Variants in NLK observed in about 807,000 individuals in gnomAD.
The protein encoded by NLK is nemo like kinase, also known as serine/threonine-protein kinase NLK.
A neutral mutation model predicts 59.0 loss-of-function variants in NLK; 11 were observed. The ratio of observed to expected loss-of-function variants is 0.19; its 90% CI spans 0.12 to 0.31. NLK has a LOEUF of 0.31. NLK is among the 10% of genes least tolerant of loss of function. The pLI is 1.00. For synonymous variants in NLK, 235 were observed against 235.9 expected, an observed-to-expected ratio of 1.00 and a Z score of 0.03; for missense variants, 410 against 661.1, an observed-to-expected ratio of 0.62 and a Z score of 4.16.
intron 1 of NLK, among the ~76,000 whole-genome samples, chr17:28,078,078 A>T (rs775742687): frequency 6.6e-6 from 1 of 152,146 alleles, no homozygotes; most frequent in Non-Finnish European, 1.5e-5. Context: ...AAATGCCTCT[A>T]CTCATTCAAT....
chr17:28,108,489 G>C (rs1905300450), intron 1 of NLK, among the ~76,000 whole-genome samples: 3 of 152,070 alleles, frequency 2.0e-5, no homozygotes, highest in African/African-American at 7.2e-5. Flanking sequence ...CAGAAAATCT[G>C]AAAAATTAAA....
chr17:28,205,088 G>A, the NLK span, among the ~76,000 whole-genome samples: 2 of 152,196 alleles, frequency 1.3e-5, no homozygotes, highest in Admixed American at 1.3e-4. Context: ...GGAGATCCCT[G>A]AAGATATGGG....
At chr17:28,130,647 G>A (rs959318347) in intron 2 of NLK, among the ~76,000 whole-genome samples, 1 of 152,280 alleles carries the variant, frequency 6.6e-6, no homozygotes, top group Middle Eastern at 3.4e-3. Context: ...GATTTGAAGT[G>A]TAAAATAGCT....
intron 1 of NLK, among the ~76,000 whole-genome samples, chr17:28,052,294 T>A (rs930597931): frequency 2.6e-4 from 40 of 152,346 alleles, no homozygotes; most frequent in Middle Eastern, 3.4e-3. Flanking sequence ...TTTTGTCATC[T>A]TTTGTGTGTG....
At chr17:28,064,579 T>G (rs1163335602) in intron 1 of NLK, among the ~76,000 whole-genome samples, 1 of 152,150 alleles carries the variant, frequency 6.6e-6, no homozygotes, top group African/African-American at 2.4e-5. Flanking sequence ...AAAAAGTTTT[T>G]CAGGGATGGG....
intron 1 of NLK, among the ~76,000 whole-genome samples, chr17:28,052,309 A>C (rs1055446961): frequency 1.3e-5 from 2 of 152,216 alleles, no homozygotes; most frequent in African/African-American, 4.8e-5. Flanking sequence ...TGTGTGAGTA[A>C]TCAGGTAAGA....
intron 3 of NLK, among the ~76,000 whole-genome samples, chr17:28,158,116 G>A (rs1009757023): frequency 4.6e-5 from 7 of 152,172 alleles, no homozygotes; most frequent in Non-Finnish European, 1.0e-4. Context: ...AGGGAGTACA[G>A]GTTGTTACAC....
chr17:28,134,995 G>A (rs1906680781), intron 3 of NLK, among the ~76,000 whole-genome samples: 2 of 152,280 alleles, frequency 1.3e-5, no homozygotes, highest in South Asian at 2.1e-4. Context: ...GAGAGAGCTG[G>A]TGGGAATGGA....
chr17:28,144,446 C>G (rs960003103), intron 3 of NLK, among the ~76,000 whole-genome samples: 1 of 151,294 alleles, frequency 6.6e-6, no homozygotes, highest in African/African-American at 2.4e-5. Flanking sequence ...TTTCACCTCT[C>G]CATTAAAAAA....
intron 2 of NLK, among the ~76,000 whole-genome samples, chr17:28,124,702 A>G (rs1201580384): frequency 1.3e-5 from 2 of 152,028 alleles, no homozygotes; most frequent in African/African-American, 4.8e-5. Context: ...ATTGTCAGAG[A>G]CTCAAGTAAA....
chr17:28,068,691 T>C (rs900052069), intron 1 of NLK, among the ~76,000 whole-genome samples: 1 of 152,202 alleles, frequency 6.6e-6, no homozygotes, highest in Non-Finnish European at 1.5e-5. Flanking sequence ...ATTTTTTCTA[T>C]TTTTTAGAGA....
intron 1 of NLK, among the ~76,000 whole-genome samples, chr17:28,122,166 A>G (rs1211212369): frequency 6.6e-6 from 1 of 152,224 alleles, no homozygotes; most frequent in African/African-American, 2.4e-5. Flanking sequence ...AAATATTTAA[A>G]TTGTGTTTGA....
At chr17:28,140,221 C>A (rs112417989) in intron 3 of NLK, among the ~76,000 whole-genome samples, 8 of 152,046 alleles carry the variant, frequency 5.3e-5, no homozygotes, top group African/African-American at 1.9e-4. Context: ...GGAAATTGGT[C>A]TTTATTCAGT....
rs1394476582 is a variant in NLK, at chr17:28,111,896, G to GTGTGGTGT, written c.459-10707_459-10706insTGTGGTGT. ...TGTGTGTGTGTGTGTGTGTGTGTGTGGTGTGTGTGTGTGTGTGTGTGTGTG... is the reference window on the plus strand; with the variant it reads ...TGTGTGTGTGTGTGTGTGTGTGTGTGTGTGGTGTGTGTGTGTGTGTGTGTGTGTGTGTG... On this transcript the variant is annotated intron_variant, in intron 1 of 10. Transcript: ENST00000407008. Among the ~76,000 whole-genome samples, 245 of 67,510 alleles carry GTGTGGTGT rather than the reference G, an allele frequency of 3.6e-3. 6 individuals are homozygous for GTGTGGTGT. The highest frequency in any genetic ancestry group is 6.0e-3 in the African/African-American group (98 of 16,304). 44.3% of individuals were successfully genotyped at this position (67,510 alleles called of 152,430 possible).
At chr17:28,050,250 A>G (rs1909200938) in intron 1 of NLK, among the ~76,000 whole-genome samples, 1 of 152,254 alleles carries the variant, frequency 6.6e-6, no homozygotes, top group South Asian at 2.1e-4. Flanking sequence ...TAAGAATGAG[A>G]GTCAACCAAT....
chr17:28,066,930 A>G (rs935733229), intron 1 of NLK, among the ~76,000 whole-genome samples: 2 of 152,214 alleles, frequency 1.3e-5, no homozygotes, highest in Non-Finnish European at 2.9e-5. Flanking sequence ...GCCTTTGCCC[A>G]TATTTTAATT....
intron 3 of NLK, among the ~76,000 whole-genome samples, chr17:28,158,003 G>A (rs1277167544): frequency 6.6e-6 from 1 of 152,150 alleles, no homozygotes; most frequent in African/African-American, 2.4e-5. Context: ...TTATGGTGCA[G>A]GCTTGGCAAT....
chr17:28,199,336 G>T (rs1909561413), downstream of NLK, among the ~76,000 whole-genome samples: 1 of 152,120 alleles, frequency 6.6e-6, no homozygotes, highest in Admixed American at 6.6e-5. Context: ...AGTGGTGTGT[G>T]CCTGTAATCC....
At chr17:28,060,144 A>G (rs1909582226) in intron 1 of NLK, among the ~76,000 whole-genome samples, 1 of 152,202 alleles carries the variant, frequency 6.6e-6, no homozygotes, top group Non-Finnish European at 1.5e-5. Flanking sequence ...GTGGGGAAGA[A>G]TAAAGTTTAT....
Sources: gnomAD v4.1 joint callset for allele counts (sites outside exome capture counted in the v4.1 genomes callset) on GRCh38, gnomAD v4.1.1 for gene constraint, MANE v1.5 for transcripts, NCBI Gene and HGNC (gene_info 2026-07-23, HGNC 2026-07-21) for gene names.